The following CREB3L2 variants were observed in gnomAD, a reference collection of about 807,000 sequenced individuals.
CREB3L2 encodes cAMP responsive element binding protein 3 like 2.
Under a neutral mutation model 57.2 loss-of-function variants are expected in CREB3L2, and 23 were observed. The observed-to-expected ratio is 0.40, with a 90% confidence interval of 0.29 to 0.57. CREB3L2 has a LOEUF of 0.57. Ranked by LOEUF, CREB3L2 falls within the 20% of genes least tolerant of loss-of-function variation. CREB3L2 has a pLI of 0.42. For missense variants in CREB3L2, 628 were observed against 634.7 expected, an observed-to-expected ratio of 0.99 and a Z score of 0.11; for synonymous variants, 268 against 265.1, an observed-to-expected ratio of 1.01 and a Z score of -0.11.
chr7:137,982,042 G>C (rs1475173638), intron 1 of CREB3L2, among the ~76,000 whole-genome samples: 8 of 152,058 alleles, frequency 5.3e-5, no homozygotes, highest in Non-Finnish European at 2.9e-5. Flanking sequence ...ACAATGAGGT[G>C]GGGGGTATGC....
intron 1 of CREB3L2, among the ~76,000 whole-genome samples, chr7:137,940,652 G>A (rs569229289): frequency 9.2e-5 from 14 of 152,200 alleles, no homozygotes; most frequent in Admixed American, 2.0e-4. Flanking sequence ...TGAACAGAAC[G>A]TGCATGTTGC....
chr7:137,953,584 C>A, intron 1 of CREB3L2: 2 of 1,127,518 alleles, frequency 1.8e-6, no homozygotes, highest in Non-Finnish European at 2.4e-6. Context: ...CAGAATGTGA[C>A]TCTAGAGAAA....
chr7:137,971,465 A>T lies in CREB3L2; in HGVS notation c.102+30139T>A, dbSNP rs796355072. Among the ~76,000 whole-genome samples the T allele has an allele frequency of 9.8e-3, 1,484 of 150,936 alleles. 11 individuals are homozygous for T. Among genetic ancestry groups the T allele is most frequent in the Admixed American group, 0.015 (232 of 15,010 alleles). ...ACTCCGTCTCAAAAAAAAAAAAAAA[A>T]TTTTGGATGGGGGGAGACATTGTAT... On this transcript the variant is annotated intron_variant, in intron 1 of 11. Transcript: ENST00000330387.
chr7:137,923,456 C>G (rs984540059), intron 2 of CREB3L2, among the ~76,000 whole-genome samples: 1 of 152,140 alleles, frequency 6.6e-6, no homozygotes, highest in South Asian at 2.1e-4. Context: ...TCTCTTTGGC[C>G]GTGCATGACA....
At chr7:137,922,440 A>ATATATATATATATATACG (rs1563253418) in intron 2 of CREB3L2, 2 of 19,290 alleles carry the variant, frequency 1.0e-4, no homozygotes, top group Admixed American at 7.2e-4. Context: ...ATATATACGT[A>ATATATATATATATATACG]TATATATATA....
chr7:137,885,470 G>A lies in CREB3L2; in HGVS notation c.1076C>T (p.Thr359Ile). 6.2e-7 allele frequency: 1 copy of A among 1,614,144 alleles called. No individual in the cohort carries two copies. The highest frequency in any genetic ancestry group is 8.5e-7 in the Non-Finnish European group (1 of 1,179,996). ...TCGAGAAACCTTGCCCATCACCAAA[G>A]TCTGAAGCTTCTGGAGTTGCTGAAG... is the stretch of plus-strand genomic sequence containing the variant. Reference protein sequence around the residue: ...TLLQQLQKLQTLVMGKVSRTC... With the variant: ...TLLQQLQKLQILVMGKVSRTC... Residue 359 changes from threonine (T) to isoleucine (I), a missense_variant, in exon 9 of 12, where the codon ACT (threonine) becomes ATT (isoleucine). By Grantham distance (89) the Thr-to-Ile change is moderately conservative. This residue lies in a region of CREB3L2 where 272 missense variants were observed against 242.7 expected (regional missense o/e 1.12). Transcript: ENST00000330387.
rs58506555 is a variant in CREB3L2, at chr7:137,902,194, C to CAAAAAAAAAA, written c.975-782_975-773dup. 7.8e-4 allele frequency among the ~76,000 whole-genome samples: 66 copies of CAAAAAAAAAA among 84,898 alleles called. 1 individual carries two copies. Among genetic ancestry groups the CAAAAAAAAAA allele is most frequent in the African/African-American group, 2.3e-3 (64 of 27,714 alleles). The allele number at this position is 84,898 out of a possible 152,430, so 55.7% of individuals were successfully genotyped here. A position where few individuals can be genotyped will look rare whatever the true frequency, so the allele number is the denominator to read the frequency against. ...GGGCCACAGAGCGAGACTCTGTCTC[C>CAAAAAAAAAA]AAAAAAAAAAAAAAAAAAGAGGGAG... On this transcript the variant is annotated intron_variant, in intron 7 of 11. Coordinates refer to ENST00000330387, the MANE Select transcript of CREB3L2 (RefSeq NM_194071.4).
chr7:137,958,999 G>A (rs887859668), intron 1 of CREB3L2, among the ~76,000 whole-genome samples: 1 of 152,204 alleles, frequency 6.6e-6, no homozygotes, highest in African/African-American at 2.4e-5. Context: ...TAACATTAAA[G>A]CAGAAGTTAC....
Position 137,918,042 on chromosome 7 carries a change from G to A in CREB3L2, c.320-2030C>T, listed in dbSNP as rs1036055739. ...GGAGCAACTGGACCACGAGCCAAAAGATTCCGTTGACTCTCCCCAAAGGAG... is the reference window on the plus strand; with the variant it reads ...GGAGCAACTGGACCACGAGCCAAAAAATTCCGTTGACTCTCCCCAAAGGAG... On this transcript the variant is annotated intron_variant, in intron 2 of 11. Transcript: ENST00000330387. 2.6e-5 allele frequency among the ~76,000 whole-genome samples: 4 copies of A among 152,256 alleles called. No homozygotes were observed. In the East Asian group the frequency reaches 7.7e-4, roughly 29 times the overall value.
chr7:137,905,607 T>C, intron 6 of CREB3L2, 95 bp downstream of exon 6: 1 of 1,321,718 alleles, frequency 7.6e-7, no homozygotes, highest in Non-Finnish European at 1.1e-6. Flanking sequence ...CACCATGGGA[T>C]GGGGTAGTGC....
chr7:137,972,704 A>AAAAAAAAAAAAAAAAAAAAC (rs1801530136), intron 1 of CREB3L2, among the ~76,000 whole-genome samples: 1 of 44,022 alleles, frequency 2.3e-5, no homozygotes, highest in African/African-American at 1.2e-4. Context: ...AAAAAAAAAA[A>AAAAAAAAAAAAAAAAAAAAC]AAAAAAAAAT....
At chr7:137,941,818 G>A (rs1800884644) in intron 1 of CREB3L2, among the ~76,000 whole-genome samples, 1 of 152,144 alleles carries the variant, frequency 6.6e-6, no homozygotes, top group South Asian at 2.1e-4. Flanking sequence ...AATGTTAGCT[G>A]TTTTATTGTT....
At chr7:137,955,766 G>A (rs746872315) in intron 1 of CREB3L2, among the ~76,000 whole-genome samples, 3 of 152,078 alleles carry the variant, frequency 2.0e-5, no homozygotes, top group East Asian at 1.9e-4. Flanking sequence ...AATATGCCTC[G>A]TGTTCCATTA....
chr7:138,000,537 T>C (rs1585687477), intron 1 of CREB3L2, among the ~76,000 whole-genome samples: 1 of 152,062 alleles, frequency 6.6e-6, no homozygotes, highest in East Asian at 1.9e-4. Context: ...TGTCTCAAAA[T>C]AACGTCAGCC....
intron 1 of CREB3L2, among the ~76,000 whole-genome samples, chr7:137,954,130 G>C (rs909640097): frequency 6.6e-6 from 1 of 152,106 alleles, no homozygotes; most frequent in Admixed American, 6.5e-5. Context: ...CTTTGACCTT[G>C]AGATACAGGT....
intron 6 of CREB3L2, 66 bp downstream of exon 6, chr7:137,905,636 G>A: frequency 6.4e-7 from 1 of 1,551,938 alleles, no homozygotes; most frequent in East Asian, 2.2e-5. Flanking sequence ...GGGAAGGCAG[G>A]GAAAGGGATG....
Position 137,913,073 on chromosome 7 carries a change from A to G in CREB3L2, c.501T>C (p.Asp167=), listed in dbSNP as rs1428905642. Residue 167 remains aspartate (D), a synonymous_variant, in exon 4 of 12, where the codon GAT becomes GAC. Coordinates refer to ENST00000330387, the MANE Select transcript of CREB3L2 (RefSeq NM_194071.4). ...TAGGAATAATGGTCTGGCACGAGGA[A>G]TCAACCTGGAGGAAGAATTTCAAAC... ...EPPLEMNTGV[D]SSCQTIIPKI... 1.2e-6 allele frequency: 2 copies of G among 1,612,630 alleles called. No homozygotes were observed. Among genetic ancestry groups the G allele is most frequent in the Non-Finnish European group, 1.7e-6 (2 of 1,179,464 alleles).
chr7:137,943,943 G>A (rs907730335), intron 1 of CREB3L2, among the ~76,000 whole-genome samples: 2 of 152,130 alleles, frequency 1.3e-5, no homozygotes, highest in African/African-American at 4.8e-5. Context: ...TTCTTTCCAT[G>A]GGTCTGTTTT....
At chr7:137,922,421 T>G (rs373595270) in intron 2 of CREB3L2, among the ~76,000 whole-genome samples, 1 of 102,246 alleles carries the variant, frequency 9.8e-6, no homozygotes, top group Non-Finnish European at 1.7e-5. Flanking sequence ...TATATGTATA[T>G]ATATATATAT....
Sources: allele counts gnomAD v4.1 joint callset (sites outside exome capture counted in the v4.1 genomes callset), GRCh38; gene constraint gnomAD v4.1.1; regional missense constraint gnomAD v4.1.1; transcripts MANE v1.5; gene names NCBI Gene and HGNC (gene_info 2026-07-23, HGNC 2026-07-21).